The following CLVS1 variants were observed in gnomAD, a reference collection of about 807,000 sequenced individuals.
CLVS1 encodes clavesin-1.
Under a neutral mutation model 33.1 loss-of-function variants are expected in CLVS1, and 10 were observed. That is an observed-to-expected ratio of 0.30 (90% CI 0.19 to 0.51). The LOEUF is 0.51. Among genes scored for constraint, CLVS1 ranks in the 20% least tolerant of loss-of-function variants. The pLI, the probability that CLVS1 is intolerant of heterozygous loss-of-function variation, is 0.97. For missense variants in CLVS1, 343 were observed against 433.4 expected (o/e 0.79, Z 1.85); for synonymous variants, 163 against 166.1 (o/e 0.98, Z 0.14).
At chr8:61,076,385 G>C (rs1202577672) in intron 1 of CLVS1, among the ~76,000 whole-genome samples, 1 of 152,298 alleles carries the variant, frequency 6.6e-6, no homozygotes, top group African/African-American at 2.4e-5. Flanking sequence ...TGTGAAATCA[G>C]ATATTCACAA....
intron 1 of CLVS1, among the ~76,000 whole-genome samples, chr8:61,077,861 C>G (rs1804951791): frequency 6.6e-6 from 1 of 152,148 alleles, no homozygotes; most frequent in Non-Finnish European, 1.5e-5. Context: ...TGGTGGGGGC[C>G]CGCTGCTCTG....
intron 1 of CLVS1, among the ~76,000 whole-genome samples, chr8:61,064,749 T>C (rs1176335169): frequency 6.6e-6 from 1 of 151,666 alleles, no homozygotes; most frequent in Non-Finnish European, 1.5e-5. Flanking sequence ...TCACCCAGGC[T>C]GGAGTACAGT....
At chr8:61,490,892 C>A (rs936156897) in intron 5 of CLVS1, among the ~76,000 whole-genome samples, 1 of 149,450 alleles carries the variant, frequency 6.7e-6, no homozygotes, top group East Asian at 2.0e-4. Context: ...ACCTGGAAGG[C>A]AGAGGTTACA....
chr8:61,279,149 G>A (rs1033952516), intron 2 of CLVS1, among the ~76,000 whole-genome samples: 1 of 152,186 alleles, frequency 6.6e-6, no homozygotes, highest in Non-Finnish European at 1.5e-5. Context: ...GACCTGAAGT[G>A]TATATCCCTG....
intron 5 of CLVS1, among the ~76,000 whole-genome samples, chr8:61,486,974 T>C (rs1803909154): frequency 6.6e-6 from 1 of 152,208 alleles, no homozygotes; most frequent in Non-Finnish European, 1.5e-5. Context: ...ACTATTCCAA[T>C]TCACTTGGAG....
chr8:61,074,663 A>G (rs571980421), intron 1 of CLVS1, among the ~76,000 whole-genome samples: 26 of 152,066 alleles, frequency 1.7e-4, no homozygotes, highest in African/African-American at 6.3e-4. Flanking sequence ...TACTAGCAGC[A>G]TGGTCATTAC....
At chr8:61,117,932 G>A (rs1342156281) in intron 1 of CLVS1, among the ~76,000 whole-genome samples, 3 of 152,162 alleles carry the variant, frequency 2.0e-5, no homozygotes, top group South Asian at 2.1e-4. Context: ...GATTGGAATA[G>A]TTTCAGAAGG....
intron 2 of CLVS1, among the ~76,000 whole-genome samples, chr8:61,157,105 A>G (rs142230148): frequency 0.018 from 2,731 of 152,300 alleles, 32 homozygotes; most frequent in Non-Finnish European, 0.028. Flanking sequence ...AAAAAGTGGT[A>G]TAGAAATCAG....
chr8:61,200,509 CT>C (rs1807706301), intron 2 of CLVS1, among the ~76,000 whole-genome samples: 2 of 152,356 alleles, frequency 1.3e-5, no homozygotes, highest in Non-Finnish European at 2.9e-5. Context: ...TTGGTGAATA[CT>C]TAATTTGTTA....
At chr8:61,094,419 C>T (rs1234299418) in intron 1 of CLVS1, among the ~76,000 whole-genome samples, 3 of 152,118 alleles carry the variant, frequency 2.0e-5, no homozygotes, top group African/African-American at 4.8e-5. Context: ...CTGAATGCTT[C>T]GTGACATTGT....
chr8:60,966,650 TGTG>T, the CLVS1 span: 1 of 228,164 alleles, frequency 4.4e-6, no homozygotes, highest in South Asian at 5.2e-5. Context: ...ATAGAGAAAA[TGTG>T]GTGGGAGCTT....
At chr8:61,382,591 C>G (rs749526858) in intron 3 of CLVS1, among the ~76,000 whole-genome samples, 3 of 152,148 alleles carry the variant, frequency 2.0e-5, no homozygotes, top group African/African-American at 7.2e-5. Context: ...GAAGCCCTGC[C>G]CTAACACATG....
chr8:61,023,760 A>C, the CLVS1 span, among the ~76,000 whole-genome samples: 1 of 152,114 alleles, frequency 6.6e-6, no homozygotes, highest in African/African-American at 2.4e-5. Flanking sequence ...CCAGGGAGCC[A>C]GGACGGCCCA....
Position 61,454,112 on chromosome 8 carries a change from C to T in CLVS1, c.631-29C>T, listed in dbSNP as rs752662277. 28 of 1,462,940 alleles carry T rather than the reference C, an allele frequency of 1.9e-5. No homozygotes were observed. In the East Asian group the frequency reaches 4.3e-4, roughly 22 times the overall value. 90.6% of individuals were successfully genotyped at this position (1,462,940 alleles called of 1,614,324 possible). On this transcript the variant is annotated intron_variant, in intron 3 of 5. Transcript: ENST00000325897. ...AGTCTAACAAGGTGTGCTTACTAATCGGTGTGCATTTCTCTCTTTCTGCCC... is the reference window on the plus strand; with the variant it reads ...AGTCTAACAAGGTGTGCTTACTAATTGGTGTGCATTTCTCTCTTTCTGCCC...
At chr8:61,356,704 T>G (rs1812722380) in intron 2 of CLVS1, among the ~76,000 whole-genome samples, 1 of 152,342 alleles carries the variant, frequency 6.6e-6, no homozygotes, top group East Asian at 1.9e-4. Context: ...TTCTCAGGTT[T>G]GTCAAAAGTC....
intron 2 of CLVS1, among the ~76,000 whole-genome samples, chr8:61,237,552 T>C (rs1203995668): frequency 6.6e-6 from 1 of 152,202 alleles, no homozygotes; most frequent in African/African-American, 2.4e-5. Flanking sequence ...TTCTCCAAAC[T>C]TCCTCAATTA....
chr8:61,081,418 C>T (rs1206589728), intron 1 of CLVS1, among the ~76,000 whole-genome samples: 2 of 152,158 alleles, frequency 1.3e-5, no homozygotes, highest in Admixed American at 6.5e-5. Context: ...TATCCTGAGC[C>T]GAAGCTTGCT....
intron 2 of CLVS1, among the ~76,000 whole-genome samples, chr8:61,343,361 A>C (rs2129598348): frequency 1.3e-5 from 2 of 152,318 alleles, no homozygotes; most frequent in African/African-American, 4.8e-5. Flanking sequence ...CCACCTTTAG[A>C]ACAAGTCTAA....
At chr8:61,367,841 C>T (rs962269705) in intron 2 of CLVS1, among the ~76,000 whole-genome samples, 5 of 152,242 alleles carry the variant, frequency 3.3e-5, no homozygotes, top group African/African-American at 1.2e-4. Context: ...TGATTTCCAT[C>T]TACTGGCAGG....
Sources: gnomAD v4.1 joint callset for allele counts (sites outside exome capture counted in the v4.1 genomes callset) on GRCh38, gnomAD v4.1.1 for gene constraint, MANE v1.5 for transcripts, NCBI Gene and HGNC (gene_info 2026-07-23, HGNC 2026-07-21) for gene names.